Variants in AGAP1 observed in about 807,000 individuals in gnomAD.
AGAP1 encodes arf-GAP with GTPase, ANK repeat and PH domain-containing protein 1.
AGAP1 carries 29 observed loss-of-function variants against 105.3 expected under a neutral mutation model. The observed-to-expected ratio is 0.28, with a 90% CI of 0.21 to 0.38. AGAP1 has a LOEUF of 0.38. Ranked by LOEUF, AGAP1 falls within the 10% of genes least tolerant of loss-of-function variation. The pLI, the probability that AGAP1 is intolerant of heterozygous loss-of-function variation, is 1.00. For synonymous variants in AGAP1, 509 were observed against 485.9 expected (o/e 1.05, Z -0.63); for missense variants, 998 against 1,165.1 (o/e 0.86, Z 2.09).
intron 11 of AGAP1, among the ~76,000 whole-genome samples, chr2:235,922,293 G>T (rs1004583980): frequency 6.6e-6 from 1 of 152,142 alleles, no homozygotes. Flanking sequence ...TAAAATAGAA[G>T]GTATACAATT....
chr2:235,891,753 C>G lies in AGAP1; in HGVS notation c.1155+8304C>G, dbSNP rs11676260. Among the ~76,000 whole-genome samples the G allele has an allele frequency of 0.046, 6,952 of 152,214 alleles. 374 individuals carry two copies. The highest frequency in any genetic ancestry group is 0.13 in the African/African-American group (5,327 of 41,502). ...CTGTCTAGGAAAGCTCACCAGTGTT[C>G]CGGTCCTGGCTCTCTGGGCTTCCTC... On this transcript the variant is annotated intron_variant, in intron 10 of 17. Transcript: ENST00000304032. The surrounding 1 kb of genome is among the most constrained non-coding windows in gnomAD (Gnocchi z 4.2).
chr2:235,673,972 A>G (rs1290130287), intron 1 of AGAP1, among the ~76,000 whole-genome samples: 2 of 152,258 alleles, frequency 1.3e-5, no homozygotes, highest in African/African-American at 2.4e-5. Context: ...CAGGGAAGCA[A>G]GATGGCTGGA....
chr2:235,744,681 CCTT>C lies in AGAP1; in HGVS notation c.397-11_397-9del, dbSNP rs746030307. On this transcript the variant is annotated splice_polypyrimidine_tract_variant and intron_variant, in intron 4 of 17. Transcript: ENST00000304032. The surrounding 1 kb of genome is among the most constrained non-coding windows in gnomAD (Gnocchi z 5.2). ...GCTCACTCAGCTCCTGCTCTCCTCC[CCTT>C]CTTCTCTCCCTAGTTTGCCATGTGG... is the stretch of plus-strand genomic sequence containing the variant. The C allele has an allele frequency of 1.9e-5, 30 of 1,613,742 alleles. No individual in the cohort carries two copies. Among genetic ancestry groups the C allele is most frequent in the Non-Finnish European group, 2.4e-5 (28 of 1,179,968 alleles).
intron 1 of AGAP1, among the ~76,000 whole-genome samples, chr2:235,619,190 C>T (rs1946397112): frequency 6.6e-6 from 1 of 152,182 alleles, no homozygotes; most frequent in South Asian, 2.1e-4. Context: ...AGCAAGCCAC[C>T]AAGTTTGTGG....
Position 235,979,874 on chromosome 2 carries a change from T to G in AGAP1, c.1645+11251T>G, listed in dbSNP as rs917748490. On this transcript the variant is annotated intron_variant, in intron 13 of 17. Coordinates refer to ENST00000304032, the MANE Select transcript of AGAP1 (RefSeq NM_001037131.3). This position sits in a 1 kb window ranked among gnomAD's most constrained non-coding sequence, Gnocchi z 4.5. ...TTCTCTTAAGCTGATTTCGCTCTGC[T>G]TTTTCTTAAAAGTGCCTTTCTAGTT... Among the ~76,000 whole-genome samples the G allele has an allele frequency of 8.5e-5, 13 of 152,238 alleles. No individual in the cohort carries two copies. The highest frequency in any genetic ancestry group is 2.4e-4 in the African/African-American group (10 of 41,466).
Position 235,660,166 on chromosome 2 carries a change from C to G in AGAP1, c.164-49013C>G, listed in dbSNP as rs933230020. The stretch of plus-strand genomic sequence containing the variant: ...AGGCTTTCTCAGGGGGGCGGCCACC[C>G]AAGATCAGCTGCGGCTGAGGATTTT... On this transcript the variant is annotated intron_variant, in intron 1 of 17. Transcript: ENST00000304032. This position sits in a 1 kb window ranked among gnomAD's most constrained non-coding sequence, Gnocchi z 5.3. 3.9e-5 allele frequency among the ~76,000 whole-genome samples: 6 copies of G among 152,182 alleles called. No individual in the cohort carries two copies. The highest frequency in any genetic ancestry group is 7.2e-5 in the African/African-American group (3 of 41,450).
chr2:235,986,718 T>C (rs1373615706), intron 13 of AGAP1, among the ~76,000 whole-genome samples: 2 of 152,272 alleles, frequency 1.3e-5, no homozygotes, highest in Non-Finnish European at 2.9e-5. Context: ...TTTCTGCATC[T>C]ATTGATATAA....
At chr2:235,820,947 T>G (rs1257505940) in intron 9 of AGAP1, among the ~76,000 whole-genome samples, 1 of 152,222 alleles carries the variant, frequency 6.6e-6, no homozygotes, top group African/African-American at 2.4e-5. Flanking sequence ...ACTGCTATAG[T>G]CCTGAAACTT....
intron 9 of AGAP1, among the ~76,000 whole-genome samples, chr2:235,812,178 T>TA (rs1048472767): frequency 8.5e-5 from 13 of 152,058 alleles, no homozygotes; most frequent in Non-Finnish European, 2.9e-5. Flanking sequence ...TTTTTTTTTT[T>TA]AAGTCTTCAT....
At chr2:235,682,645 C>T (rs1233844842) in intron 1 of AGAP1, among the ~76,000 whole-genome samples, 3 of 152,060 alleles carry the variant, frequency 2.0e-5, no homozygotes, top group Non-Finnish European at 4.4e-5. Context: ...ATGCCTGGCA[C>T]AGAACCCTGA....
chr2:235,676,817 G>GAA (rs1218980001), intron 1 of AGAP1, among the ~76,000 whole-genome samples: 1 of 152,070 alleles, frequency 6.6e-6, no homozygotes, highest in Non-Finnish European at 1.5e-5. Flanking sequence ...GTGAAATAAT[G>GAA]AAAAAAAGTT....
chr2:235,838,999 G>T (rs533873112), intron 9 of AGAP1, among the ~76,000 whole-genome samples: 35 of 152,308 alleles, frequency 2.3e-4, no homozygotes, highest in Admixed American at 1.5e-3. Context: ...TAACGCGGGT[G>T]TACGTGAGGT....
chr2:235,983,035 AG>A lies in AGAP1; in HGVS notation c.1645+14413del, dbSNP rs2055160622. On this transcript the variant is annotated intron_variant, in intron 13 of 17. Coordinates refer to ENST00000304032, the MANE Select transcript of AGAP1 (RefSeq NM_001037131.3). This position sits in a 1 kb window ranked among gnomAD's most constrained non-coding sequence, Gnocchi z 4.5. ...ACACTGTTCAGATGAGCGATGTGTG[AG>A]CATGAGGAGACATTCCTTAAGCCAG... Among the ~76,000 whole-genome samples the A allele has an allele frequency of 6.6e-6, 1 of 152,174 alleles. No homozygotes were observed. The highest frequency in any genetic ancestry group is 2.4e-5 in the African/African-American group (1 of 41,434).
Position 235,728,644 on chromosome 2 carries a change from G to T in AGAP1, c.310+11000G>T, listed in dbSNP as rs76188767. Among the ~76,000 whole-genome samples, 4,364 of 152,084 alleles carry T rather than the reference G, an allele frequency of 0.029. 208 individuals carry two copies. The highest frequency in any genetic ancestry group is 0.097 in the African/African-American group (4,041 of 41,456). ...TTGTTGTATGAGGGCAGCCCATGTC[G>T]CCAGCATTTATTTTCTGAGCCCCAT... On this transcript the variant is annotated intron_variant, in intron 3 of 17. Transcript: ENST00000304032. The surrounding 1 kb of genome is among the most constrained non-coding windows in gnomAD (Gnocchi z 4.3).
intron 8 of AGAP1, among the ~76,000 whole-genome samples, chr2:235,800,080 G>A (rs1957421532): frequency 6.6e-6 from 1 of 151,288 alleles, no homozygotes; most frequent in Admixed American, 6.6e-5. Flanking sequence ...CACAATCTGG[G>A]TGCACTCGGG....
Position 235,979,581 on chromosome 2 carries a change from G to A in AGAP1, c.1645+10958G>A, listed in dbSNP as rs552171734. Among the ~76,000 whole-genome samples the A allele has an allele frequency of 1.3e-5, 2 of 152,162 alleles. No homozygotes were observed. Among genetic ancestry groups the A allele is most frequent in the African/African-American group, 4.8e-5 (2 of 41,436 alleles). On this transcript the variant is annotated intron_variant, in intron 13 of 17. Transcript: ENST00000304032. This position sits in a 1 kb window ranked among gnomAD's most constrained non-coding sequence, Gnocchi z 4.5. ...CATACCATAGGCACCAAGGTGTGGAGCCAGTGAAAGAACAGGCGCAGCGAA... is the reference window on the plus strand; with the variant it reads ...CATACCATAGGCACCAAGGTGTGGAACCAGTGAAAGAACAGGCGCAGCGAA...
At chr2:235,658,161 C>T (rs1175778509) in intron 1 of AGAP1, among the ~76,000 whole-genome samples, 1 of 152,216 alleles carries the variant, frequency 6.6e-6, no homozygotes, top group African/African-American at 2.4e-5. Context: ...GTCATTAAAA[C>T]CTTGGTGGCC....
At position 235,615,228 on chromosome 2, in the gene AGAP1, G is replaced by A. The variant is rs1051113909; in HGVS notation, c.164-93951G>A. Among the ~76,000 whole-genome samples the A allele has an allele frequency of 8.5e-5, 13 of 152,274 alleles. No homozygotes were observed. Among genetic ancestry groups the A allele is most frequent in the Non-Finnish European group, 1.6e-4 (11 of 68,022 alleles). On this transcript the variant is annotated intron_variant, in intron 1 of 17. Transcript: ENST00000304032. The surrounding 1 kb of genome is among the most constrained non-coding windows in gnomAD (Gnocchi z 5.0). ...ACGGTCCAGGGACGTCCCCACCCTC[G>A]GTTGGGTTGTCCAGGGTCACATGGT...
At chr2:236,074,024 C>T (rs924542332) in intron 16 of AGAP1, among the ~76,000 whole-genome samples, 7 of 152,162 alleles carry the variant, frequency 4.6e-5, no homozygotes, top group Non-Finnish European at 1.0e-4. Context: ...TTTGGAAATG[C>T]CTGGAGACAT....
Sources: gnomAD v4.1 joint callset for allele counts (sites outside exome capture counted in the v4.1 genomes callset) on GRCh38, gnomAD v4.1.1 for gene constraint, Gnocchi (gnomAD v3.1) non-coding constraint, MANE v1.5 for transcripts, NCBI Gene and HGNC (gene_info 2026-07-23, HGNC 2026-07-21) for gene names.